Variants in PRMT9 observed in about 807,000 individuals in gnomAD.
PRMT9 encodes the protein protein arginine N-methyltransferase 9.
In PRMT9, 59 loss-of-function variants were observed where a neutral mutation model predicts 83.2. That is an observed-to-expected ratio of 0.71 (90% confidence interval 0.57 to 0.88). PRMT9 has a LOEUF of 0.88. Ranked by LOEUF, PRMT9 falls within the 40% of genes least tolerant of loss-of-function variation. PRMT9 has a pLI of 0.00. For synonymous variants in PRMT9, 333 were observed against 353.2 expected, an observed-to-expected ratio of 0.94 and a Z score of 0.64; for missense variants, 947 against 1,021.9, an observed-to-expected ratio of 0.93 and a Z score of 1.00.
Position 147,654,104 on chromosome 4 carries a change from G to A in PRMT9, c.1793C>T (p.Ala598Val). ...TGGTTTAACCTGCCCAAGTGTGCCA[G>A]CAATAACAGGCAGAACAGAGAAGCC... ...SEGFSVLPVI[A>V]GTLGQVKPYS... The change falls in exon 9 of 12, where the codon GCT (alanine) becomes GTT (valine). Residue 598 changes from alanine (A) to valine (V), a missense_variant. Coordinates refer to ENST00000322396, the MANE Select transcript of PRMT9 (RefSeq NM_138364.4). 6.2e-7 allele frequency: 1 copy of A among 1,614,216 alleles called. No individual in the cohort carries two copies. The highest frequency in any genetic ancestry group is 8.5e-7 in the Non-Finnish European group (1 of 1,180,048).
chr4:147,638,778 A>ACC, intron 11 of PRMT9, 31 bp from the exon 12 acceptor site: 1 of 1,498,360 alleles, frequency 6.7e-7, no homozygotes, highest in Non-Finnish European at 9.2e-7. Flanking sequence ...GGAAAATATC[A>ACC]GAGTGCATAG....
rs541704391 is a variant in PRMT9 at position 147,654,105 on chromosome 4, C to T, written c.1792G>A (p.Ala598Thr). The change falls in exon 9 of 12, where the codon GCT (alanine) becomes ACT (threonine). Residue 598 changes from alanine (A) to threonine (T), a missense_variant. Physicochemically the swap from Ala to Thr is moderately conservative, Grantham distance 58 (BLOSUM62 0). Coordinates refer to ENST00000322396, the MANE Select transcript of PRMT9 (RefSeq NM_138364.4). The stretch of plus-strand genomic sequence containing the variant: ...GGTTTAACCTGCCCAAGTGTGCCAG[C>T]AATAACAGGCAGAACAGAGAAGCCT... Reference protein sequence around the residue: ...SEGFSVLPVIAGTLGQVKPYS... With the variant: ...SEGFSVLPVITGTLGQVKPYS... The T allele has an allele frequency of 1.9e-6, 3 of 1,614,170 alleles. No homozygotes were observed. In the East Asian group the frequency reaches 6.7e-5, roughly 36 times the overall value.
chr4:147,672,018 GA>G, intron 4 of PRMT9: 1 of 387,138 alleles, frequency 2.6e-6, no homozygotes, highest in Non-Finnish European at 5.1e-6. Context: ...AGAACTGTGA[GA>G]AAATAAATGC....
intron 1 of PRMT9, among the ~76,000 whole-genome samples, chr4:147,682,430 C>T (rs1278956606): frequency 6.6e-6 from 1 of 152,160 alleles, no homozygotes; most frequent in African/African-American, 2.4e-5. Flanking sequence ...CCCGTCTCTG[C>T]CTCCCAAAGT....
intron 9 of PRMT9, among the ~76,000 whole-genome samples, chr4:147,646,307 GGA>G (rs1733723405): frequency 6.6e-6 from 1 of 152,178 alleles, no homozygotes; most frequent in Admixed American, 6.5e-5. Flanking sequence ...GTCTCTGAAA[GGA>G]GAGACTAGCC....
intron 2 of PRMT9, among the ~76,000 whole-genome samples, chr4:147,674,611 A>G (rs1358936897): frequency 6.6e-6 from 1 of 152,208 alleles, no homozygotes; most frequent in Non-Finnish European, 1.5e-5. Context: ...AGTCAAGTGC[A>G]ATACTGAGAA....
intron 8 of PRMT9, 146 bp downstream of exon 8, chr4:147,657,645 CT>C: frequency 3.1e-6 from 2 of 651,406 alleles, no homozygotes; most frequent in South Asian, 1.8e-5. Context: ...TTTCAAATTT[CT>C]TTTGAAAAAA....
chr4:147,666,911 C>T (rs74640113), intron 6 of PRMT9, among the ~76,000 whole-genome samples: 4 of 148,700 alleles, frequency 2.7e-5, no homozygotes, highest in Non-Finnish European at 3.0e-5. Context: ...TTTATTTTTA[C>T]AAAAGCTCCT....
rs753324013 is a variant in PRMT9, at chr4:147,654,389, A to G, written c.1508T>C (p.Leu503Pro). The G allele has an allele frequency of 1.2e-6, 2 of 1,614,198 alleles. No individual in the cohort carries two copies. The highest frequency in any genetic ancestry group is 1.1e-5 in the South Asian group (1 of 91,084). ...TGGTTTACTGGTCTGAAGGTTAGCG[A>G]GGGCACTACAAAGTTCAGCCTCATT... Reference protein sequence around the residue: ...LGNEAELCSALANLQTSKPDA... With the variant: ...LGNEAELCSAPANLQTSKPDA... Residue 503 changes from leucine to proline, a missense_variant, in exon 9 of 12, where the codon CTC (leucine) becomes CCC (proline). Coordinates refer to ENST00000322396, the MANE Select transcript of PRMT9 (RefSeq NM_138364.4).
chr4:147,656,064 T>C (rs1734466378), intron 8 of PRMT9, among the ~76,000 whole-genome samples: 1 of 152,100 alleles, frequency 6.6e-6, no homozygotes, highest in Non-Finnish European at 1.5e-5. Context: ...TTATATATGA[T>C]ACAACAAAAG....
At chr4:147,676,814 C>T (rs1275763423) in intron 2 of PRMT9, among the ~76,000 whole-genome samples, 1 of 152,040 alleles carries the variant, frequency 6.6e-6, no homozygotes, top group Non-Finnish European at 1.5e-5. Context: ...GAGACCGAGG[C>T]GGGTGGATCA....
Position 147,673,788 on chromosome 4 carries a change from T to C in PRMT9, c.425A>G (p.Tyr142Cys). 1.2e-6 allele frequency: 2 copies of C among 1,614,172 alleles called. No homozygotes were observed. The highest frequency in any genetic ancestry group is 1.1e-5 in the South Asian group (1 of 91,082). ...PDFSDAKENF[Y>C]RVANWLVERW... ...TTCCACCAACCAGTTTGCAACACGATAAAAATTCTCCTTTGCATCACTGAA... is the reference window on the plus strand; with the variant it reads ...TTCCACCAACCAGTTTGCAACACGACAAAAATTCTCCTTTGCATCACTGAA... The change falls in exon 3 of 12, where the codon TAT (tyrosine) becomes TGT (cysteine). Residue 142 changes from tyrosine to cysteine, a missense_variant. Tyr to Cys is a radical substitution (Grantham distance 194, BLOSUM62 -2). Transcript: ENST00000322396.
chr4:147,683,898 C>G lies in PRMT9; in HGVS notation c.90G>C (p.Gln30His). The G allele has an allele frequency of 6.2e-7, 1 of 1,613,612 alleles. No homozygotes were observed. The change falls in exon 1 of 12, where the codon CAG becomes CAC. Residue 30 changes from glutamine (Q) to histidine (H), a missense_variant. Transcript: ENST00000322396. ...GGACGCCCAGACAGTGCTCTGCGCTCTGCAAGGACCGCGACACCAGCTCGT... is the reference window on the plus strand; with the variant it reads ...GGACGCCCAGACAGTGCTCTGCGCTGTGCAAGGACCGCGACACCAGCTCGT... Reference protein sequence around the residue: ...GRDELVSRSLQSAEHCLGVQD... With the variant: ...GRDELVSRSLHSAEHCLGVQD...
intron 5 of PRMT9, among the ~76,000 whole-genome samples, chr4:147,669,214 C>A (rs1297886296): frequency 6.8e-6 from 1 of 146,202 alleles, no homozygotes; most frequent in African/African-American, 2.5e-5. Flanking sequence ...CATAGCAAGA[C>A]CCTGTCTCTA....
intron 6 of PRMT9, among the ~76,000 whole-genome samples, chr4:147,662,462 A>G (rs1447072491): frequency 6.6e-6 from 1 of 152,142 alleles, no homozygotes; most frequent in Admixed American, 6.6e-5. Context: ...CAAATCATAA[A>G]CTTATGGCTT....
chr4:147,670,574 G>T, intron 5 of PRMT9, 67 bp downstream of exon 5: 1 of 992,292 alleles, frequency 1.0e-6, no homozygotes. Context: ...AATATACTAA[G>T]GATTCAATAA....
chr4:147,663,255 G>A lies in PRMT9; in HGVS notation c.954-2217C>T, dbSNP rs560937330. ...GATCTCCTGGCCTCATGATCCGCCC[G>A]CCTCAGCCTCCCAAAGTGCTGAGAT... On this transcript the variant is annotated intron_variant, in intron 6 of 11. Coordinates refer to ENST00000322396, the MANE Select transcript of PRMT9 (RefSeq NM_138364.4). Among the ~76,000 whole-genome samples the A allele has an allele frequency of 1.1e-4, 16 of 152,018 alleles. No homozygotes were observed. The South Asian group carries it at 2.3e-3, about 22-fold the overall frequency.
In PRMT9 at chr4:147,642,464, C is replaced by T. The variant is rs375001145; in HGVS notation, c.2199+323G>A. ...CCATGTTGGCCAGGCTGGTCTTGAA[C>T]GCCTGACCTCAAGTGATCCACCCGC... On this transcript the variant is annotated intron_variant, in intron 10 of 11. Transcript: ENST00000322396. Among the ~76,000 whole-genome samples, 5 of 152,078 alleles carry T rather than the reference C, an allele frequency of 3.3e-5. No homozygotes were observed. In the East Asian group the frequency reaches 5.8e-4, roughly 18 times the overall value.
At chr4:147,683,618 CTT>C (rs1736645482) in intron 1 of PRMT9, among the ~76,000 whole-genome samples, 179 bp downstream of exon 1, 1 of 148,774 alleles carries the variant, frequency 6.7e-6, no homozygotes, top group African/African-American at 2.5e-5. Context: ...CGCCTTTTTT[CTT>C]TTCTTTTTTT....
Sources: allele counts gnomAD v4.1 joint callset (sites outside exome capture counted in the v4.1 genomes callset), GRCh38; gene constraint gnomAD v4.1.1; transcripts MANE v1.5; gene names NCBI Gene and HGNC (gene_info 2026-07-23, HGNC 2026-07-21).